Variants in SLC24A2 observed in about 807,000 individuals in gnomAD.
SLC24A2 encodes solute carrier family 24 member 2, also known as sodium/potassium/calcium exchanger 2.
SLC24A2 carries 36 observed loss-of-function variants against 62.0 expected under a neutral mutation model. That is an observed-to-expected ratio of 0.58 (90% confidence interval 0.44 to 0.77). The LOEUF (loss-of-function observed/expected upper bound fraction) is 0.77, where lower values mean the gene tolerates loss of function less well. SLC24A2 is among the 30% of genes least tolerant of loss of function. The pLI is 0.00. For missense variants in SLC24A2, 846 were observed against 817.9 expected (o/e 1.03, Z -0.42); for synonymous variants, 358 against 294.0 (o/e 1.22, Z -2.23).
the SLC24A2 span, among the ~76,000 whole-genome samples, chr9:19,935,890 G>A: frequency 6.6e-6 from 1 of 152,166 alleles, no homozygotes; most frequent in Non-Finnish European, 1.5e-5. Flanking sequence ...ATCTCCACAT[G>A]AGAAGCAACA....
chr9:19,925,373 G>T, the SLC24A2 span, among the ~76,000 whole-genome samples: 1 of 152,142 alleles, frequency 6.6e-6, no homozygotes, highest in Non-Finnish European at 1.5e-5. Flanking sequence ...TGATCTTTTT[G>T]TCATCTCTTA....
chr9:20,006,669 T>C, the SLC24A2 span, among the ~76,000 whole-genome samples: 1 of 152,080 alleles, frequency 6.6e-6, no homozygotes, highest in Non-Finnish European at 1.5e-5. Flanking sequence ...TTAGACCTCA[T>C]CAAGGCCTAG....
chr9:20,224,049 A>G, the SLC24A2 span, among the ~76,000 whole-genome samples: 1 of 152,064 alleles, frequency 6.6e-6, no homozygotes, highest in Non-Finnish European at 1.5e-5. Flanking sequence ...CTCACTCACT[A>G]TAACAAAAAC....
At chr9:19,695,844 T>C (rs1820176182) in intron 2 of SLC24A2, among the ~76,000 whole-genome samples, 2 of 152,134 alleles carry the variant, frequency 1.3e-5, no homozygotes, top group African/African-American at 2.4e-5. Context: ...ATAAATATAA[T>C]ATTGACTTAA....
intron 2 of SLC24A2, among the ~76,000 whole-genome samples, chr9:19,707,605 A>C (rs1167553829): frequency 4.0e-5 from 6 of 151,812 alleles, no homozygotes; most frequent in Admixed American, 1.3e-4. Flanking sequence ...TCAACATACG[A>C]AAATCAATAA....
chr9:20,048,876 A>AT, the SLC24A2 span, among the ~76,000 whole-genome samples: 10,217 of 151,208 alleles, frequency 0.068, 515 homozygotes, highest in African/African-American at 0.13. Context: ...AACTATTAGT[A>AT]TTTTTTTTCT....
chr9:19,870,814 A>AT, the SLC24A2 span, among the ~76,000 whole-genome samples: 3 of 152,140 alleles, frequency 2.0e-5, no homozygotes, highest in Admixed American at 6.5e-5. Flanking sequence ...CTTTGGAGAA[A>AT]TGTCTATTCA....
intron 3 of SLC24A2, among the ~76,000 whole-genome samples, chr9:19,621,696 C>T (rs773830530): frequency 6.6e-6 from 1 of 152,074 alleles, no homozygotes; most frequent in Non-Finnish European, 1.5e-5. Context: ...AATAATAACT[C>T]GTCATAACTA....
At chr9:20,213,989 G>C in the SLC24A2 span, among the ~76,000 whole-genome samples, 2 of 152,176 alleles carry the variant, frequency 1.3e-5, no homozygotes, top group South Asian at 2.1e-4. Context: ...GACTTATTTC[G>C]CTTGTCATAA....
At chr9:19,551,940 G>C (rs1398866345) in intron 7 of SLC24A2, among the ~76,000 whole-genome samples, 1 of 152,184 alleles carries the variant, frequency 6.6e-6, no homozygotes, top group East Asian at 1.9e-4. Context: ...AGTAACAACA[G>C]GTTCTTCTGC....
the SLC24A2 span, among the ~76,000 whole-genome samples, chr9:20,023,081 C>T: frequency 6.6e-6 from 1 of 152,186 alleles, no homozygotes; most frequent in African/African-American, 2.4e-5. Context: ...GCCATTTAGA[C>T]ACTGAGCAAT....
At chr9:19,904,792 T>G in the SLC24A2 span, among the ~76,000 whole-genome samples, 1 of 152,352 alleles carries the variant, frequency 6.6e-6, no homozygotes, top group Non-Finnish European at 1.5e-5. Flanking sequence ...CACTTCTTTT[T>G]GCACAGTAGG....
At chr9:19,766,559 C>T (rs1016737217) in intron 2 of SLC24A2, among the ~76,000 whole-genome samples, 1 of 152,202 alleles carries the variant, frequency 6.6e-6, no homozygotes, top group Non-Finnish European at 1.5e-5. Context: ...ACAGGCCCCT[C>T]TTCTGTAGGT....
At chr9:19,671,826 T>C (rs1181200019) in intron 2 of SLC24A2, among the ~76,000 whole-genome samples, 1 of 148,080 alleles carries the variant, frequency 6.8e-6, no homozygotes, top group Admixed American at 6.6e-5. Context: ...ATGATTTTTG[T>C]TTTTAACTCT....
chr9:20,209,094 T>C, the SLC24A2 span, among the ~76,000 whole-genome samples: 3 of 152,208 alleles, frequency 2.0e-5, no homozygotes, highest in East Asian at 5.8e-4. Flanking sequence ...GAGCATTAAA[T>C]GTGATGATGT....
chr9:19,632,747 T>A lies in SLC24A2; in HGVS notation c.931-10448A>T, dbSNP rs928653966. Reference sequence around the variant, plus strand: ...CCAATGATAACATCTTGCACAACTATAGTACATCATTAAAACTAGGAAGTT... The same window carrying A: ...CCAATGATAACATCTTGCACAACTAAAGTACATCATTAAAACTAGGAAGTT... On this transcript the variant is annotated intron_variant, in intron 2 of 10. Coordinates refer to ENST00000341998, the MANE Select transcript of SLC24A2 (RefSeq NM_020344.4). The surrounding 1 kb of genome is among the most constrained non-coding windows in gnomAD (Gnocchi z 4.5). Among the ~76,000 whole-genome samples the A allele has an allele frequency of 1.3e-5, 2 of 152,236 alleles. No individual in the cohort carries two copies. The highest frequency in any genetic ancestry group is 4.8e-5 in the African/African-American group (2 of 41,470).
Position 19,510,455 on chromosome 9 carries a change from AAAAAAG to A in SLC24A2, c.*5692_*5697del, listed in dbSNP as rs1253645779. The A allele has an allele frequency of 6.7e-6, 1 of 149,648 alleles. No homozygotes were observed. Among genetic ancestry groups the A allele is most frequent in the Non-Finnish European group, 1.5e-5 (1 of 66,854 alleles). 9.3% of individuals were successfully genotyped at this position (149,648 alleles called of 1,614,324 possible). On this transcript the variant is annotated 3_prime_UTR_variant, in exon 11 of 11. Coordinates refer to ENST00000341998, the MANE Select transcript of SLC24A2 (RefSeq NM_020344.4). ...TTTGCCAAAAAAAAAAAAAAAAAAAAAAAAAGTTAAGTCATTAAGTGGATGGGTTTG... is the reference window on the plus strand; with the variant it reads ...TTTGCCAAAAAAAAAAAAAAAAAAAATTAAGTCATTAAGTGGATGGGTTTG...
At chr9:19,631,719 G>A (rs1358331247) in intron 2 of SLC24A2, among the ~76,000 whole-genome samples, 1 of 152,174 alleles carries the variant, frequency 6.6e-6, no homozygotes, top group Admixed American at 6.5e-5. Context: ...AAGAATTGAG[G>A]TGACTGGGTC....
the SLC24A2 span, among the ~76,000 whole-genome samples, chr9:19,947,426 GGAAA>G: frequency 1.2e-4 from 18 of 149,844 alleles, no homozygotes; most frequent in South Asian, 3.0e-3. Flanking sequence ...AAGGAAGGAA[GGAAA>G]GAAAGAAGGA....
Sources: allele counts gnomAD v4.1 joint callset (sites outside exome capture counted in the v4.1 genomes callset), GRCh38; gene constraint gnomAD v4.1.1; non-coding constraint Gnocchi (gnomAD v3.1); transcripts MANE v1.5; gene names NCBI Gene and HGNC (gene_info 2026-07-23, HGNC 2026-07-21).